The following KCNH4 variants were observed in gnomAD, a reference collection of about 807,000 sequenced individuals.
KCNH4 encodes the protein voltage-gated delayed rectifier potassium channel KCNH4.
A neutral mutation model predicts 90.7 loss-of-function variants in KCNH4; 33 were observed. That is an observed-to-expected ratio of 0.36 (90% CI 0.28 to 0.49). The LOEUF (loss-of-function observed/expected upper bound fraction) is 0.49, where lower values mean the gene tolerates loss of function less well. Ranked by LOEUF, KCNH4 falls within the 20% of genes least tolerant of loss-of-function variation. KCNH4 has a pLI of 0.98. For synonymous variants in KCNH4, 551 were observed against 581.7 expected (o/e 0.95, Z 0.76); for missense variants, 1,044 against 1,387.1 (o/e 0.75, Z 3.93).
intron 6 of KCNH4, among the ~76,000 whole-genome samples, chr17:42,173,579 G>A (rs2079841644): frequency 1.3e-5 from 2 of 151,494 alleles, no homozygotes; most frequent in South Asian, 4.2e-4. Flanking sequence ...CCTCTCTCTG[G>A]CCCCCAGTGG....
At chr17:42,173,031 G>A (rs2079838190) in intron 6 of KCNH4, among the ~76,000 whole-genome samples, 1 of 151,842 alleles carries the variant, frequency 6.6e-6, no homozygotes, top group Non-Finnish European at 1.5e-5. Flanking sequence ...GCTAGGGGTT[G>A]ACGGAGATAA....
chr17:42,172,067 C>A, intron 6 of KCNH4, 72 bp from the exon 7 acceptor site: 1 of 1,314,566 alleles, frequency 7.6e-7, no homozygotes, highest in Non-Finnish European at 1.1e-6. Context: ...CCTCCCAGGG[C>A]CTTCCCACCA....
In KCNH4 at chr17:42,170,233, G is replaced by T. The variant is rs530061375; in HGVS notation, c.1264C>A (p.Arg422=). The T allele has an allele frequency of 6.2e-7, 1 of 1,610,014 alleles. No individual in the cohort carries two copies. Among genetic ancestry groups the T allele is most frequent in the Non-Finnish European group, 8.5e-7 (1 of 1,179,850 alleles). ...YVNGSVGGPS[R]RSAYIAALYF... ...AGTGCCGCGATGTAGGCGCTGCGCC[G>T]TGATGGGCCGCCCACCGAGCCATTG... Residue 422 remains arginine, a synonymous_variant, in exon 8 of 17, where the codon CGG becomes AGG. Coordinates refer to ENST00000264661, the MANE Select transcript of KCNH4 (RefSeq NM_012285.3).
intron 4 of KCNH4, among the ~76,000 whole-genome samples, chr17:42,177,679 G>A (rs2079871858): frequency 6.6e-6 from 1 of 152,188 alleles, no homozygotes. Flanking sequence ...CCTAACAGAG[G>A]GTTGGGGACT....
intron 9 of KCNH4, 38 bp downstream of exon 9, chr17:42,169,439 C>T (rs746760647): frequency 1.9e-5 from 31 of 1,597,024 alleles, no homozygotes; most frequent in Non-Finnish European, 2.3e-5. Context: ...CAGGGCCACG[C>T]GGAGGGCAAG....
chr17:42,178,842 C>T lies in KCNH4; in HGVS notation c.261G>A (p.Leu87=), dbSNP rs368686262. ...EPALQRLHKA[L]EGHQEHRAEI... ...CAGCCCGGTGCTCCTGGTGGCCCTC[C>T]AGGGCTTTGTGCAGACGCTGCAGGG... Residue 87 remains leucine, a synonymous_variant, in exon 2 of 17, where the codon CTG becomes CTA. Coordinates refer to ENST00000264661, the MANE Select transcript of KCNH4 (RefSeq NM_012285.3). 1.9e-6 allele frequency: 3 copies of T among 1,614,022 alleles called. No individual in the cohort carries two copies. The highest frequency in any genetic ancestry group is 2.5e-6 in the Non-Finnish European group (3 of 1,180,050).
chr17:42,169,826 G>A (rs1487958241), intron 8 of KCNH4, 150 bp from the exon 9 acceptor site: 1 of 791,740 alleles, frequency 1.3e-6, no homozygotes, highest in Non-Finnish European at 2.0e-6. Context: ...GGAATAGGGA[G>A]TGGTCCAGAG....
intron 7 of KCNH4, 83 bp downstream of exon 7, chr17:42,171,705 G>T (rs2079827933): frequency 8.5e-7 from 1 of 1,172,220 alleles, no homozygotes; most frequent in Non-Finnish European, 1.3e-6. Context: ...TGGGATGAGG[G>T]GTGTGGGTAC....
chr17:42,177,364 A>ATT (rs766097116), intron 4 of KCNH4, among the ~76,000 whole-genome samples: 3 of 125,196 alleles, frequency 2.4e-5, no homozygotes, highest in Non-Finnish European at 3.4e-5. Context: ...ATAATTTTTA[A>ATT]TTTTTTTTTT....
intron 15 of KCNH4, 66 bp from the exon 16 acceptor site, chr17:42,160,501 A>G: frequency 6.7e-7 from 1 of 1,488,848 alleles, no homozygotes; most frequent in Non-Finnish European, 9.0e-7. Context: ...CCCCCTCTCC[A>G]GTTTACAAAG....
At chr17:42,157,314 A>AT (rs1316528802) in intron 16 of KCNH4, among the ~76,000 whole-genome samples, 196 bp from the exon 17 acceptor site, 1 of 152,002 alleles carries the variant, frequency 6.6e-6, no homozygotes, top group Non-Finnish European at 1.5e-5. Context: ...TCTGCTTTTT[A>AT]TTTTTTTATT....
intron 15 of KCNH4, among the ~76,000 whole-genome samples, chr17:42,161,429 G>A (rs1307678469): frequency 6.6e-6 from 1 of 152,218 alleles, no homozygotes; most frequent in African/African-American, 2.4e-5. Context: ...GCTCCCAGGG[G>A]CTGGGCCTGG....
intron 9 of KCNH4, among the ~76,000 whole-genome samples, chr17:42,169,041 G>A (rs1377392806): frequency 6.6e-6 from 1 of 151,572 alleles, no homozygotes; most frequent in Non-Finnish European, 1.5e-5. Flanking sequence ...AAAGTGCTGG[G>A]ATTACAGGTG....
At position 42,171,762 on chromosome 17, in the gene KCNH4, G is replaced by A. The variant is rs201736066; in HGVS notation, c.1195+26C>T. ...GATGGGACAGGTGGACAGGTGGTCT[G>A]TGAAAGTTTGGGGTCGGTGGCTCAC... On this transcript the variant is annotated intron_variant, in intron 7 of 16. Transcript: ENST00000264661. 5.1e-4 allele frequency: 817 copies of A among 1,612,038 alleles called. 1 individual carries two copies. Among genetic ancestry groups the A allele is most frequent in the Non-Finnish European group, 6.7e-4 (790 of 1,178,176 alleles).
intron 7 of KCNH4, among the ~76,000 whole-genome samples, chr17:42,171,485 C>T (rs994402037): frequency 1.3e-5 from 2 of 152,040 alleles, no homozygotes; most frequent in East Asian, 1.9e-4. Flanking sequence ...GGACTTTTCA[C>T]GTGCTGCTCC....
Position 42,169,464 on chromosome 17 carries a change from C to A in KCNH4, c.1590+13G>T, listed in dbSNP as rs773807713. Reference sequence around the variant, plus strand: ...CGGAGGGCAAGGGCAAGATTGGAGACCCTGCAGGCTACCTCGTTGGCGTCG... The same window carrying A: ...CGGAGGGCAAGGGCAAGATTGGAGAACCTGCAGGCTACCTCGTTGGCGTCG... On this transcript the variant is annotated intron_variant, in intron 9 of 16. Transcript: ENST00000264661. The A allele has an allele frequency of 8.1e-6, 13 of 1,612,094 alleles. No homozygotes were observed. In the South Asian group the frequency reaches 9.9e-5, roughly 12 times the overall value.
intron 7 of KCNH4, among the ~76,000 whole-genome samples, 156 bp downstream of exon 7, chr17:42,171,632 C>T (rs1029461106): frequency 1.3e-5 from 2 of 152,028 alleles, no homozygotes; most frequent in Non-Finnish European, 2.9e-5. Context: ...GTCTGCAAAT[C>T]AATATTCCCA....
At chr17:42,178,295 T>C (rs780982868) in intron 3 of KCNH4, 36 bp downstream of exon 3, 221 of 1,614,062 alleles carry the variant, frequency 1.4e-4, no homozygotes, top group Non-Finnish European at 1.7e-4. Context: ...CGAAGGCTTC[T>C]GACCATTCAC....
Position 42,178,343 on chromosome 17 carries a change from C to T in KCNH4, c.445G>A (p.Asp149Asn). 6.2e-7 allele frequency: 1 copy of T among 1,614,218 alleles called. No individual in the cohort carries two copies. The highest frequency in any genetic ancestry group is 8.5e-7 in the Non-Finnish European group (1 of 1,180,034). The change falls in exon 3 of 17, where the codon GAC (aspartate) becomes AAC (asparagine). Residue 149 changes from aspartate (D) to asparagine (N), a missense_variant. Asp to Asn is a conservative substitution (Grantham distance 23, BLOSUM62 1). This residue lies in a region of KCNH4 where 283 missense variants were observed against 378.6 expected (regional missense o/e 0.75). Transcript: ENST00000264661. ...PGLGPQGGRG[D>N]SNHENSLGRR... ...GACTTGCTGTTACCGTGATTACTGT[C>T]CCCGCGGCCTCCTTGGGGGCCAAGT...
Sources: gnomAD v4.1 joint callset for allele counts (sites outside exome capture counted in the v4.1 genomes callset) on GRCh38, gnomAD v4.1.1 for gene constraint, gnomAD v4.1.1 regional missense constraint, MANE v1.5 for transcripts, NCBI Gene and HGNC (gene_info 2026-07-23, HGNC 2026-07-21) for gene names.